The following GTF2IRD2B variants were observed in gnomAD, a reference collection of about 807,000 sequenced individuals.
GTF2IRD2B encodes the protein GTF2I repeat domain containing 2B.
Under a neutral mutation model 55.6 loss-of-function variants are expected in GTF2IRD2B, and 10 were observed. The observed-to-expected ratio is 0.18, with a 90% CI of 0.11 to 0.31. The LOEUF (loss-of-function observed/expected upper bound fraction) is 0.31. GTF2IRD2B is among the 10% of genes least tolerant of loss of function. GTF2IRD2B has a pLI of 1.00. For missense variants in GTF2IRD2B, 206 were observed against 802.7 expected, an observed-to-expected ratio of 0.26 and a Z score of 8.98; for synonymous variants, 107 against 320.5, an observed-to-expected ratio of 0.33 and a Z score of 7.12.
intron 11 of GTF2IRD2B, among the ~76,000 whole-genome samples, chr7:75,137,464 C>T (rs1246907616): frequency 2.7e-5 from 4 of 145,610 alleles, no homozygotes; most frequent in South Asian, 2.2e-4. Context: ...GACTGGGCAA[C>T]ATAGTGAGAC....
rs1463684399 is a variant in GTF2IRD2B, at chr7:75,148,209, G to A, written c.1762G>A (p.Gly588Ser). ...EELLDTVPMT[G>S]TKSGNEIFLR... ...ACTTCTGGACACGGTGCCCATGACG[G>A]GTACAAAATCTGGCAACGAGATCTT... Residue 588 changes from glycine (G) to serine (S), a missense_variant, in exon 16 of 16, where the codon GGT (glycine) becomes AGT (serine). Coordinates refer to ENST00000472837, the MANE Select transcript of GTF2IRD2B (RefSeq NM_001003795.3). The A allele has an allele frequency of 6.2e-7, 1 of 1,613,672 alleles. No individual in the cohort carries two copies. The highest frequency in any genetic ancestry group is 8.5e-7 in the Non-Finnish European group (1 of 1,179,852).
intron 3 of GTF2IRD2B, among the ~76,000 whole-genome samples, chr7:75,119,854 T>C (rs1339722924): frequency 2.1e-5 from 2 of 96,486 alleles, no homozygotes; most frequent in Non-Finnish European, 4.2e-5. Flanking sequence ...CTTGGCGGGG[T>C]GTGGTGGCTC....
In GTF2IRD2B at chr7:75,149,280, C is replaced by T; in HGVS notation, c.2833C>T (p.Leu945Phe). ...QLKDSQWDSV[L>F]HIAT ...AAAGGATTCCCAGTGGGATTCTGTA[C>T]TCCACATCGCAACGTGATGGAGAGA... Residue 945 changes from leucine (L) to phenylalanine (F), a missense_variant, in exon 16 of 16, where the codon CTC (leucine) becomes TTC (phenylalanine). Physicochemically the swap from Leu to Phe is conservative, Grantham distance 22 (BLOSUM62 0). Transcript: ENST00000472837. 1.3e-6 allele frequency: 1 copy of T among 758,046 alleles called. No homozygotes were observed. 47.0% of individuals were successfully genotyped at this position (758,046 alleles called of 1,614,324 possible). A position where few individuals can be genotyped will look rare whatever the true frequency, so the allele number is the denominator to read the frequency against.
chr7:75,130,469 G>A (rs2115806285), intron 8 of GTF2IRD2B, among the ~76,000 whole-genome samples: 1 of 140,874 alleles, frequency 7.1e-6, no homozygotes, highest in South Asian at 2.3e-4. Context: ...ATGAGCCACC[G>A]CACCAGGCCA....
intron 3 of GTF2IRD2B, among the ~76,000 whole-genome samples, chr7:75,113,967 T>G (rs1443684960): frequency 2.7e-5 from 4 of 149,402 alleles, no homozygotes; most frequent in African/African-American, 9.9e-5. Context: ...ATTAGATAAA[T>G]GGATAGATGA....
intron 1 of GTF2IRD2B, among the ~76,000 whole-genome samples, chr7:75,101,804 G>A (rs1263004675): frequency 3.1e-5 from 4 of 128,908 alleles, no homozygotes; most frequent in Admixed American, 1.9e-4. Context: ...TGAGGCAGGA[G>A]AATCGCTTGA....
At chr7:75,115,444 G>A (rs1204490895) in intron 3 of GTF2IRD2B, among the ~76,000 whole-genome samples, 1 of 145,048 alleles carries the variant, frequency 6.9e-6, no homozygotes, top group Non-Finnish European at 1.5e-5. Flanking sequence ...TTTTTTTTGA[G>A]ACAGAATCTC....
intron 3 of GTF2IRD2B, among the ~76,000 whole-genome samples, chr7:75,114,778 T>C (rs1808086263): frequency 6.7e-6 from 1 of 150,160 alleles, no homozygotes; most frequent in Non-Finnish European, 1.5e-5. Flanking sequence ...CTTTCTTTTT[T>C]ATGGCCGCAG....
At chr7:75,116,640 C>CTTTTTT (rs782017384) in intron 3 of GTF2IRD2B, among the ~76,000 whole-genome samples, 4 of 118,350 alleles carry the variant, frequency 3.4e-5, no homozygotes, top group African/African-American at 3.3e-5. Context: ...TTTGCCATTT[C>CTTTTTT]TTTTTTTTTT....
rs782001606 is a variant in GTF2IRD2B, at chr7:75,148,140, A to G, written c.1693A>G (p.Ile565Val). 2.5e-6 allele frequency: 4 copies of G among 1,613,310 alleles called. No homozygotes were observed. The highest frequency in any genetic ancestry group is 2.2e-5 in the South Asian group (2 of 91,046). The change falls in exon 16 of 16, where the codon ATA becomes GTA. Residue 565 changes from isoleucine (I) to valine (V), a missense_variant. Coordinates refer to ENST00000472837, the MANE Select transcript of GTF2IRD2B (RefSeq NM_001003795.3). ...TATAAATAATACCACCCAGTTGGCCATATTCATCCGTGGTGTCGATGAGAA... is the reference window on the plus strand; with the variant it reads ...TATAAATAATACCACCCAGTTGGCCGTATTCATCCGTGGTGTCGATGAGAA... Reference protein sequence around the residue: ...TDINNTTQLAIFIRGVDENFD... With the variant: ...TDINNTTQLAVFIRGVDENFD...
intron 1 of GTF2IRD2B, among the ~76,000 whole-genome samples, chr7:75,096,857 G>A (rs1389621094): frequency 3.6e-5 from 5 of 139,156 alleles, no homozygotes; most frequent in Non-Finnish European, 7.7e-5. Context: ...CAAGCCCTGC[G>A]GCTCAGTGTG....
chr7:75,096,712 C>T (rs1241742733), intron 1 of GTF2IRD2B, among the ~76,000 whole-genome samples: 3 of 149,640 alleles, frequency 2.0e-5, no homozygotes, highest in Non-Finnish European at 4.4e-5. Context: ...AGGTGTGAGC[C>T]ACCTCGCCTG....
chr7:75,145,743 A>T (rs587664906), intron 15 of GTF2IRD2B, among the ~76,000 whole-genome samples: 1 of 147,130 alleles, frequency 6.8e-6, no homozygotes, highest in Non-Finnish European at 1.5e-5. Flanking sequence ...AAAAAAAAAA[A>T]AAAAAGAAAA....
chr7:75,135,096 AAAGTTTATAG>A (rs1474643214), intron 10 of GTF2IRD2B, 39 bp downstream of exon 10: 49 of 1,250,094 alleles, frequency 3.9e-5, no homozygotes, highest in Non-Finnish European at 5.0e-5. Context: ...TCTTTTAAGA[AAAGTTTATAG>A]AAGTTTATAG....
intron 1 of GTF2IRD2B, among the ~76,000 whole-genome samples, chr7:75,103,648 A>G (rs1807656154): frequency 6.6e-6 from 1 of 151,720 alleles, no homozygotes; most frequent in Non-Finnish European, 1.5e-5. Flanking sequence ...ATTTCCAGAG[A>G]GCAGGAAGCA....
chr7:75,146,872 T>G, intron 15 of GTF2IRD2B: 1 of 132,000 alleles, frequency 7.6e-6, no homozygotes, highest in Non-Finnish European at 1.6e-5. Flanking sequence ...CCAAGGCGGG[T>G]GGATCGCTTG....
At chr7:75,104,952 G>A (rs1807729885) in intron 1 of GTF2IRD2B, among the ~76,000 whole-genome samples, 1 of 152,268 alleles carries the variant, frequency 6.6e-6, no homozygotes, top group Non-Finnish European at 1.5e-5. Flanking sequence ...CCCAGCACTG[G>A]TGTGGGAGGC....
At chr7:75,127,074 C>A (rs1383599496) in intron 8 of GTF2IRD2B, among the ~76,000 whole-genome samples, 3 of 149,034 alleles carry the variant, frequency 2.0e-5, no homozygotes, top group African/African-American at 7.3e-5. Context: ...TCATTTGACA[C>A]CTTTCTTTTG....
At chr7:75,122,738 TAAAAAC>T (rs1169358964) in intron 4 of GTF2IRD2B, among the ~76,000 whole-genome samples, 2 of 121,546 alleles carry the variant, frequency 1.6e-5, no homozygotes, top group African/African-American at 6.6e-5. Flanking sequence ...GTCTCTTAAT[TAAAAAC>T]AAAAACAAAA....
Sources: allele counts gnomAD v4.1 joint callset (sites outside exome capture counted in the v4.1 genomes callset), GRCh38; gene constraint gnomAD v4.1.1; transcripts MANE v1.5; gene names NCBI Gene and HGNC (gene_info 2026-07-23, HGNC 2026-07-21).